PTCHD4: variants seen among roughly 807,000 people sequenced by gnomAD.
PTCHD4 encodes patched domain-containing protein 4.
In PTCHD4, 33 loss-of-function variants were observed where a neutral mutation model predicts 58.1. That is an observed-to-expected ratio of 0.57 (90% CI 0.43 to 0.76). The LOEUF (loss-of-function observed/expected upper bound fraction) is 0.76. Ranked by LOEUF, PTCHD4 falls within the 30% of genes least tolerant of loss-of-function variation. The pLI, the probability that PTCHD4 is intolerant of heterozygous loss-of-function variation, is 0.00. For synonymous variants in PTCHD4, 478 were observed against 409.6 expected (o/e 1.17, Z -2.02); for missense variants, 1,058 against 1,027.1 (o/e 1.03, Z -0.41).
intron 1 of PTCHD4, among the ~76,000 whole-genome samples, chr6:48,100,114 G>A (rs930080727): frequency 1.1e-4 from 17 of 152,148 alleles, no homozygotes; most frequent in African/African-American, 4.1e-4. Flanking sequence ...TACAATTCAG[G>A]TGATATCAAC....
intron 4 of PTCHD4, among the ~76,000 whole-genome samples, chr6:48,007,347 C>T (rs560104046): frequency 6.6e-6 from 1 of 152,272 alleles, no homozygotes; most frequent in East Asian, 1.9e-4. Context: ...ATCATATAAA[C>T]ACACTTCATA....
intron 1 of PTCHD4, among the ~76,000 whole-genome samples, chr6:48,093,010 C>T (rs1367184684): frequency 6.6e-6 from 1 of 152,200 alleles, no homozygotes; most frequent in African/African-American, 2.4e-5. Context: ...CTGTGTTGGG[C>T]ACAGGCAGTG....
Position 47,880,033 on chromosome 6 carries a change from A to G in PTCHD4, c.899-97T>C, listed in dbSNP as rs1763974680. 24 of 953,264 alleles carry G rather than the reference A, an allele frequency of 2.5e-5. No homozygotes were observed. The South Asian group carries it at 4.4e-4, about 17-fold the overall frequency. 59.1% of individuals were successfully genotyped at this position (953,264 alleles called of 1,614,324 possible). On this transcript the variant is annotated intron_variant, in intron 4 of 4. Transcript: ENST00000339488. Reference sequence around the variant, plus strand: ...TTATCTATGCTAAATGGCACTTTATACTCTAATCTTCAAAGGGCTGTGATC... The same window carrying G: ...TTATCTATGCTAAATGGCACTTTATGCTCTAATCTTCAAAGGGCTGTGATC...
chr6:48,031,854 T>A (rs569839743), intron 3 of PTCHD4, among the ~76,000 whole-genome samples: 8 of 152,242 alleles, frequency 5.3e-5, no homozygotes, highest in South Asian at 2.1e-4. Flanking sequence ...TGCACTCATA[T>A]TTTCCAATTC....
At chr6:48,084,268 C>T (rs1765221288) in intron 1 of PTCHD4, among the ~76,000 whole-genome samples, 1 of 152,158 alleles carries the variant, frequency 6.6e-6, no homozygotes, top group African/African-American at 2.4e-5. Context: ...CTACTGGATA[C>T]TTCTCTTGAT....
At chr6:47,906,288 C>G (rs1054179139) in intron 4 of PTCHD4, among the ~76,000 whole-genome samples, 2 of 152,206 alleles carry the variant, frequency 1.3e-5, no homozygotes, top group Non-Finnish European at 2.9e-5. Context: ...TCACAGCTGT[C>G]ATTGCACACA....
At chr6:48,057,047 T>C (rs1230176648) in intron 3 of PTCHD4, among the ~76,000 whole-genome samples, 6 of 152,160 alleles carry the variant, frequency 3.9e-5, no homozygotes, top group Non-Finnish European at 8.8e-5. Flanking sequence ...GTATTTTTAC[T>C]TGCTATATTT....
At chr6:47,920,129 AAGCTGAC>A (rs752844746) in intron 4 of PTCHD4, among the ~76,000 whole-genome samples, 6 of 152,168 alleles carry the variant, frequency 3.9e-5, no homozygotes, top group Non-Finnish European at 7.4e-5. Flanking sequence ...CAGTCAGCCT[AAGCTGAC>A]TAACACAGAC....
At chr6:48,028,092 C>G (rs550339698) in intron 3 of PTCHD4, among the ~76,000 whole-genome samples, 1 of 152,120 alleles carries the variant, frequency 6.6e-6, no homozygotes, top group South Asian at 2.1e-4. Context: ...CAGATGCACA[C>G]TACTATGCCT....
chr6:47,954,096 C>A (rs958027975), intron 4 of PTCHD4, among the ~76,000 whole-genome samples: 1 of 152,128 alleles, frequency 6.6e-6, no homozygotes, highest in Non-Finnish European at 1.5e-5. Flanking sequence ...GTGGCTCACA[C>A]CTATAATCCC....
chr6:47,889,902 T>G (rs1022709393), intron 4 of PTCHD4, among the ~76,000 whole-genome samples: 1 of 151,984 alleles, frequency 6.6e-6, no homozygotes, highest in African/African-American at 2.4e-5. Flanking sequence ...TAAACTACCA[T>G]CAGAGTGAAC....
chr6:47,902,038 G>T, intron 4 of PTCHD4: 1 of 636,918 alleles, frequency 1.6e-6, no homozygotes, highest in Non-Finnish European at 2.5e-6. Context: ...GAACTGAAGA[G>T]TTATCACCAT....
intron 1 of PTCHD4, among the ~76,000 whole-genome samples, chr6:48,104,157 AC>A (rs1765668373): frequency 6.6e-6 from 1 of 152,214 alleles, no homozygotes; most frequent in Admixed American, 6.5e-5. Flanking sequence ...TGTCAGATTC[AC>A]CAAAGTTGAA....
At chr6:48,088,734 A>T (rs2113900125) in intron 1 of PTCHD4, among the ~76,000 whole-genome samples, 1 of 152,240 alleles carries the variant, frequency 6.6e-6, no homozygotes, top group East Asian at 1.9e-4. Context: ...AGCTTTGCCC[A>T]AATCTCTAGT....
rs529689758 is a variant in PTCHD4 at position 48,047,229 on chromosome 6, C to A, written c.417+21001G>T. Among the ~76,000 whole-genome samples, 4 of 151,850 alleles carry A rather than the reference C, an allele frequency of 2.6e-5. No homozygotes were observed. In the South Asian group the frequency reaches 8.3e-4, roughly 31 times the overall value. On this transcript the variant is annotated intron_variant, in intron 3 of 4. Coordinates refer to ENST00000339488, the MANE Select transcript of PTCHD4 (RefSeq NM_001384253.1). Reference sequence around the variant, plus strand: ...AGAATATAGCTGTTACAAACCACTCCTGGCCAGCTTCCAGTTAGGAAATTC... The same window carrying A: ...AGAATATAGCTGTTACAAACCACTCATGGCCAGCTTCCAGTTAGGAAATTC...
intron 1 of PTCHD4, among the ~76,000 whole-genome samples, chr6:48,090,562 A>AT (rs557818320): frequency 4.9e-4 from 74 of 152,154 alleles, no homozygotes; most frequent in African/African-American, 1.6e-3. Flanking sequence ...AAAGCCTATG[A>AT]TTTTTTCTAC....
chr6:47,957,687 G>T (rs368381009), intron 4 of PTCHD4, among the ~76,000 whole-genome samples: 26 of 150,238 alleles, frequency 1.7e-4, no homozygotes, highest in African/African-American at 5.6e-4. Flanking sequence ...TGTAAGCTCT[G>T]CCTCCCGGGT....
In PTCHD4 at chr6:48,009,045, G is replaced by T. The variant is rs375811446; in HGVS notation, c.487C>A (p.Arg163=). Residue 163 remains arginine, a synonymous_variant, in exon 4 of 5, where the codon CGG becomes AGG. Coordinates refer to ENST00000339488, the MANE Select transcript of PTCHD4 (RefSeq NM_001384253.1). The part of the protein sequence containing the change: ...VVEVPNSKDQ[R]VKSARAIQIT... ...TGAATGGCTCTGGCTGACTTGACCC[G>T]CTGATCTTTGCTGTTTGGCACTTCC... 1 of 1,613,646 alleles carries T rather than the reference G, an allele frequency of 6.2e-7. No homozygotes were observed. The highest frequency in any genetic ancestry group is 8.5e-7 in the Non-Finnish European group (1 of 1,179,800).
At chr6:48,057,171 G>GTTTTTTTTGT (rs1554174417) in intron 3 of PTCHD4, among the ~76,000 whole-genome samples, 1 of 149,400 alleles carries the variant, frequency 6.7e-6, no homozygotes, top group African/African-American at 2.5e-5. Context: ...TCTGGCGGCG[G>GTTTTTTTTGT]TTTTTTTTGT....
Sources: allele counts gnomAD v4.1 joint callset (sites outside exome capture counted in the v4.1 genomes callset), GRCh38; gene constraint gnomAD v4.1.1; transcripts MANE v1.5; gene names NCBI Gene and HGNC (gene_info 2026-07-23, HGNC 2026-07-21).